Variants in NPLOC4 observed in about 807,000 individuals in gnomAD.
NPLOC4 encodes the protein NPL4 homolog, ubiquitin recognition factor, also known as nuclear protein localization protein 4 homolog.
A neutral mutation model predicts 80.6 loss-of-function variants in NPLOC4; 18 were observed. The observed-to-expected ratio is 0.22, with a 90% CI of 0.15 to 0.33. The LOEUF is 0.33. NPLOC4 is among the 10% of genes least tolerant of loss of function. NPLOC4 has a pLI of 1.00. For synonymous variants in NPLOC4, 313 were observed against 301.5 expected, an observed-to-expected ratio of 1.04 and a Z score of -0.39; for missense variants, 540 against 786.1, an observed-to-expected ratio of 0.69 and a Z score of 3.74.
At chr17:81,590,422 G>C (rs1268248749) in intron 11 of NPLOC4, among the ~76,000 whole-genome samples, 1 of 152,220 alleles carries the variant, frequency 6.6e-6, no homozygotes, top group Admixed American at 6.5e-5. Flanking sequence ...GCCTTTGGAG[G>C]AGGCAGGCAT....
rs57639613 is a variant in NPLOC4 at position 81,587,630 on chromosome 17, T to TAAAAAAA, written c.1281+1307_1281+1313dup. Among the ~76,000 whole-genome samples, 43 of 102,138 alleles carry TAAAAAAA rather than the reference T, an allele frequency of 4.2e-4. 1 individual carries two copies. The highest frequency in any genetic ancestry group is 1.1e-3 in the Admixed American group (9 of 7,840). 67.0% of individuals were successfully genotyped at this position (102,138 alleles called of 152,430 possible). On this transcript the variant is annotated intron_variant, in intron 12 of 16. Transcript: ENST00000331134. ...GCGCCCAGCTGACACCCTGTCTCTT[T>TAAAAAAA]AAAAAAAAAAAAAAAAAGGAAAAAA...
intron 1 of NPLOC4, 157 bp from the exon 2 acceptor site, chr17:81,629,962 T>G (rs759310317): frequency 1.7e-6 from 1 of 592,802 alleles, no homozygotes; most frequent in Non-Finnish European, 3.0e-6. Flanking sequence ...CCTTCTAGAA[T>G]ATGATGCCGA....
intron 1 of NPLOC4, among the ~76,000 whole-genome samples, chr17:81,633,337 G>A (rs2035980432): frequency 6.6e-6 from 1 of 152,038 alleles, no homozygotes; most frequent in South Asian, 2.1e-4. Flanking sequence ...ACATGTGAAT[G>A]TTCCTTCAAA....
At chr17:81,585,170 C>CAAACA (rs2034542268) in intron 12 of NPLOC4, among the ~76,000 whole-genome samples, 1 of 40,886 alleles carries the variant, frequency 2.4e-5, no homozygotes, top group Non-Finnish European at 3.7e-5. Flanking sequence ...ACTCTGTCGC[C>CAAACA]AAAAAAAAAA....
intron 2 of NPLOC4, among the ~76,000 whole-genome samples, chr17:81,623,658 C>G (rs1238263233): frequency 6.6e-6 from 1 of 151,526 alleles, no homozygotes; most frequent in Non-Finnish European, 1.5e-5. Flanking sequence ...ATTAGCCGGG[C>G]GTGGTGGTGG....
At chr17:81,620,747 G>A (rs1568162281) in intron 3 of NPLOC4, among the ~76,000 whole-genome samples, 1 of 152,180 alleles carries the variant, frequency 6.6e-6, no homozygotes, top group Non-Finnish European at 1.5e-5. Flanking sequence ...CGGGACAAGC[G>A]TGGTCGTGAG....
At chr17:81,632,416 G>A (rs1245088933) in intron 1 of NPLOC4, among the ~76,000 whole-genome samples, 2 of 151,404 alleles carry the variant, frequency 1.3e-5, no homozygotes, top group Non-Finnish European at 2.9e-5. Flanking sequence ...CGGTTCAAGT[G>A]ATTCTCCTGT....
intron 11 of NPLOC4, among the ~76,000 whole-genome samples, chr17:81,592,989 T>A (rs2034791717): frequency 6.6e-6 from 1 of 151,782 alleles, no homozygotes; most frequent in Admixed American, 6.6e-5. Flanking sequence ...TCAAAAAAAA[T>A]TAAAAATAAA....
intron 2 of NPLOC4, among the ~76,000 whole-genome samples, chr17:81,623,760 T>C (rs983801290): frequency 2.0e-5 from 3 of 150,398 alleles, no homozygotes; most frequent in Admixed American, 6.6e-5. Context: ...ATCGCGCCAC[T>C]GCACTCCAGC....
intron 16 of NPLOC4, among the ~76,000 whole-genome samples, chr17:81,561,241 G>A (rs932838904): frequency 1.3e-5 from 2 of 152,178 alleles, no homozygotes; most frequent in African/African-American, 4.8e-5. Flanking sequence ...ACAGGCGTGA[G>A]CTACCATGCC....
In NPLOC4 at chr17:81,606,915, C is replaced by A; in HGVS notation, c.531-101G>T. The A allele has an allele frequency of 2.7e-6, 3 of 1,122,230 alleles. 1 individual carries two copies. In the South Asian group the frequency reaches 4.4e-5, roughly 16 times the overall value. The allele number at this position is 1,122,230 out of a possible 1,614,324, so 69.5% of individuals were successfully genotyped here. A position where few individuals can be genotyped will look rare whatever the true frequency, so the allele number is the denominator to read the frequency against. On this transcript the variant is annotated intron_variant, in intron 6 of 16. Transcript: ENST00000331134. The stretch of plus-strand genomic sequence containing the variant: ...ATCTTATACCTCCTGAACAGTGTCT[C>A]AGGAGCTAAGCACGTGGCAGCAGCA...
At chr17:81,612,483 A>G (rs1046395019) in intron 4 of NPLOC4, among the ~76,000 whole-genome samples, 3 of 152,196 alleles carry the variant, frequency 2.0e-5, no homozygotes, top group South Asian at 2.1e-4. Flanking sequence ...ATGGCTACAA[A>G]GTGGCTCCAT....
chr17:81,565,637 T>C (rs2033988129), intron 15 of NPLOC4, 30 bp from the exon 16 acceptor site: 1 of 1,503,950 alleles, frequency 6.6e-7, no homozygotes, highest in Non-Finnish European at 8.9e-7. Flanking sequence ...AGGTTCCTCT[T>C]CGCTGTGCCT....
rs752040425 is a variant in NPLOC4, at chr17:81,629,802, T to C, written c.19A>G (p.Ile7Val). The C allele has an allele frequency of 6.2e-7, 1 of 1,612,290 alleles. No homozygotes were observed. Among genetic ancestry groups the C allele is most frequent in the Admixed American group, 1.7e-5 (1 of 59,996 alleles). ...ACTCCATCCGGGGACTGGACACGAA[T>C]TATCTGTTGCAAACAAAACATGATG... is the stretch of plus-strand genomic sequence containing the variant. MAESIIIRVQSPDGVKR... is the reference protein window; with the variant it reads MAESIIVRVQSPDGVKR... The change falls in exon 2 of 17, where the codon ATT (isoleucine) becomes GTT (valine). Residue 7 changes from isoleucine to valine, a missense_variant. Physicochemically the swap from Ile to Val is conservative, Grantham distance 29. This residue lies in a region of NPLOC4 where 62 missense variants were observed against 84.4 expected (regional missense o/e 0.73). Transcript: ENST00000331134.
chr17:81,585,195 A>AAT lies in NPLOC4; in HGVS notation c.1281+3748_1281+3749insAT, dbSNP rs1199896684. Among the ~76,000 whole-genome samples, 17 of 149,296 alleles carry AAT rather than the reference A, an allele frequency of 1.1e-4. 1 individual carries two copies. The highest frequency in any genetic ancestry group is 2.1e-4 in the Non-Finnish European group (14 of 67,216). Reference sequence around the variant, plus strand: ...CAAAAAAAAAAAAAAAAAAAAAAAAAGAGTATGGTATTAGTTCTGGTTTAG... The same window carrying AAT: ...CAAAAAAAAAAAAAAAAAAAAAAAAAATGAGTATGGTATTAGTTCTGGTTTAG... On this transcript the variant is annotated intron_variant, in intron 12 of 16. Transcript: ENST00000331134.
At chr17:81,629,700 G>A in intron 2 of NPLOC4, 25 bp downstream of exon 2, 1 of 1,542,042 alleles carries the variant, frequency 6.5e-7, no homozygotes. Context: ...AATATCCTGA[G>A]GGTCAATACC....
chr17:81,560,703 C>CAAG, intron 16 of NPLOC4: 1 of 153,102 alleles, frequency 6.5e-6, no homozygotes, highest in African/African-American at 2.4e-5. Context: ...AAACAAACAA[C>CAAG]AACAACAAAA....
At chr17:81,605,004 T>C (rs1273293943) in intron 7 of NPLOC4, among the ~76,000 whole-genome samples, 1 of 152,160 alleles carries the variant, frequency 6.6e-6, no homozygotes. Context: ...CTCACGCCTG[T>C]AATCCCAGCA....
chr17:81,599,966 G>T (rs1043703314), intron 9 of NPLOC4, among the ~76,000 whole-genome samples: 12 of 152,318 alleles, frequency 7.9e-5, no homozygotes, highest in African/African-American at 2.6e-4. Flanking sequence ...CATGAAGGGA[G>T]AGCTCAGGCA....
Sources: allele counts gnomAD v4.1 joint callset (sites outside exome capture counted in the v4.1 genomes callset), GRCh38; gene constraint gnomAD v4.1.1; regional missense constraint gnomAD v4.1.1; transcripts MANE v1.5; gene names NCBI Gene and HGNC (gene_info 2026-07-23, HGNC 2026-07-21).